The following POMT1 variants were observed in gnomAD, a reference collection of about 807,000 sequenced individuals.
POMT1 encodes the protein protein O-mannosyltransferase 1, also known as protein O-mannosyl-transferase 1.
Under a neutral mutation model 101.6 loss-of-function variants are expected in POMT1, and 85 were observed. The ratio of observed to expected loss-of-function variants is 0.84; its 90% CI spans 0.70 to 1.00. POMT1 has a LOEUF of 1.00. POMT1 is among the 50% of genes least tolerant of loss of function. The probability of loss-of-function intolerance (pLI) is 0.00; values close to 1 mark genes in which losing one functional copy is unlikely to be tolerated. For missense variants in POMT1, 857 were observed against 930.4 expected, an observed-to-expected ratio of 0.92 and a Z score of 1.03; for synonymous variants, 371 against 383.0, an observed-to-expected ratio of 0.97 and a Z score of 0.37.
At position 131,518,834 on chromosome 9, in the gene POMT1, C is replaced by T. The variant is rs749675382; in HGVS notation, c.1366-3C>T. On this transcript the variant is annotated splice_region_variant and splice_polypyrimidine_tract_variant and intron_variant, in intron 14 of 19. Coordinates refer to ENST00000402686, the MANE Select transcript of POMT1 (RefSeq NM_001077365.2). ...GCCCTTTACTCTCCTGCGGTGTCAC[C>T]AGCTGAGCGGGGCTCACCTCCCTGA... The T allele has an allele frequency of 6.2e-7, 1 of 1,613,970 alleles. No individual in the cohort carries two copies. The highest frequency in any genetic ancestry group is 8.5e-7 in the Non-Finnish European group (1 of 1,180,048).
In POMT1 at chr9:131,523,539, A is replaced by C; in HGVS notation, c.*433A>C. On this transcript the variant is annotated 3_prime_UTR_variant, in exon 20 of 20. Coordinates refer to ENST00000402686, the MANE Select transcript of POMT1 (RefSeq NM_001077365.2). ...CTGAGCAAGTCCCGGCCCTGCCCTC[A>C]GCGAGCCCGGCAGGCGTCCTGGGAC... 7.3e-6 allele frequency: 2 copies of C among 272,754 alleles called. No individual in the cohort carries two copies. The highest frequency in any genetic ancestry group is 4.0e-5 in the South Asian group (1 of 25,138). The allele number at this position is 272,754 out of a possible 1,614,324, so 16.9% of individuals were successfully genotyped here.
At chr9:131,521,304 G>A (rs780474220) in intron 17 of POMT1, 42 bp from the exon 18 acceptor site, 1 of 1,613,694 alleles carries the variant, frequency 6.2e-7, no homozygotes, top group Admixed American at 1.7e-5. Context: ...CCCTCCCTGA[G>A]CAGAGGGCAG....
chr9:131,506,472 T>C lies in POMT1; in HGVS notation c.280+19T>C. The C allele has an allele frequency of 6.2e-7, 1 of 1,601,338 alleles. No homozygotes were observed. The highest frequency in any genetic ancestry group is 8.6e-7 in the Non-Finnish European group (1 of 1,168,398). On this transcript the variant is annotated intron_variant, in intron 4 of 19. Transcript: ENST00000402686. Reference sequence around the variant, plus strand: ...GGAGCAGGTAAAAGATAATTTTCATTTCCCTTTTAATGTGCGCAGGTTAGA... The same window carrying C: ...GGAGCAGGTAAAAGATAATTTTCATCTCCCTTTTAATGTGCGCAGGTTAGA...
intron 11 of POMT1, among the ~76,000 whole-genome samples, chr9:131,512,354 C>A (rs540539003): frequency 3.2e-4 from 49 of 152,310 alleles, no homozygotes; most frequent in Non-Finnish European, 6.3e-4. Context: ...TGAGAAGTTT[C>A]CAGGCGAGCC....
chr9:131,521,255 T>C (rs888931540), intron 17 of POMT1, 91 bp from the exon 18 acceptor site: 2 of 1,567,996 alleles, frequency 1.3e-6, no homozygotes, highest in Non-Finnish European at 1.8e-6. Flanking sequence ...GCTAAAGTAG[T>C]GCGTGCATCT....
chr9:131,523,070 G>C lies in POMT1; in HGVS notation c.2142G>C (p.Trp714Cys). The stretch of plus-strand genomic sequence containing the variant: ...CACATGAACTCAAGGCCCTTCGCTG[G>C]AAAGACAGCTGGGACATCTTGATCC... Reference protein sequence around the residue: ...LSPHELKALRWKDSWDILIRK... With the variant: ...LSPHELKALRCKDSWDILIRK... Residue 714 changes from tryptophan (W) to cysteine (C), a missense_variant, in exon 20 of 20, where the codon TGG becomes TGC. Physicochemically the swap from Trp to Cys is radical, Grantham distance 215. Coordinates refer to ENST00000402686, the MANE Select transcript of POMT1 (RefSeq NM_001077365.2). The C allele has an allele frequency of 6.2e-7, 1 of 1,611,614 alleles. No individual in the cohort carries two copies. Among genetic ancestry groups the C allele is most frequent in the South Asian group, 1.1e-5 (1 of 90,890 alleles).
intron 13 of POMT1, chr9:131,516,564 T>C (rs1356029227): frequency 6.5e-6 from 1 of 153,320 alleles, no homozygotes; most frequent in Admixed American, 6.5e-5. Context: ...GATGTAAAGT[T>C]ACATAAGTTT....
At chr9:131,516,327 G>A (rs530431346) in intron 13 of POMT1, among the ~76,000 whole-genome samples, 18 of 142,942 alleles carry the variant, frequency 1.3e-4, no homozygotes, top group Admixed American at 4.2e-4. Context: ...TTCCTCACAC[G>A]GAACACCTCC....
Position 131,520,139 on chromosome 9 carries a change from G to A in POMT1, c.1644G>A (p.Leu548=), listed in dbSNP as rs2131881178. ...AACACAAGTACAGCTCCAGCCCACT[G>A]GAGTGGGTCACCCTGGACACCAATA... is the stretch of plus-strand genomic sequence containing the variant. ...DSEHKYSSSP[L]EWVTLDTNIA... is the part of the protein sequence containing the mutation. The change falls in exon 17 of 20, where the codon CTG becomes CTA. Residue 548 remains leucine (L), a synonymous_variant. Transcript: ENST00000402686. 5.0e-6 allele frequency: 8 copies of A among 1,613,882 alleles called. No individual in the cohort carries two copies. Among genetic ancestry groups the A allele is most frequent in the African/African-American group, 2.7e-5 (2 of 75,060 alleles).
chr9:131,510,223 C>T (rs769534894), intron 8 of POMT1, 37 bp from the exon 9 acceptor site: 28 of 1,613,924 alleles, frequency 1.7e-5, no homozygotes, highest in East Asian at 4.5e-5. Flanking sequence ...CGCTTTTCCA[C>T]GCAGTGGAAC....
intron 12 of POMT1, 116 bp downstream of exon 12, chr9:131,513,447 C>A: frequency 1.1e-6 from 1 of 941,186 alleles, no homozygotes; most frequent in Non-Finnish European, 1.7e-6. Flanking sequence ...CCATCATCTG[C>A]ATGTGTAGCA....
rs119462985 is a variant in POMT1 at position 131,518,945 on chromosome 9, C to T, written c.1474C>T (p.Arg492Ter). 5 of 1,613,416 alleles carry T rather than the reference C, an allele frequency of 3.1e-6. No individual in the cohort carries two copies. The highest frequency in any genetic ancestry group is 2.2e-5 in the East Asian group (1 of 44,896). Reference sequence around the variant, plus strand: ...CACGGTGTGGAACGTGGAGGAGCACCGATACGGCGCGAGTGAGTCCGCGGC... The same window carrying T: ...CACGGTGTGGAACGTGGAGGAGCACTGATACGGCGCGAGTGAGTCCGCGGC... ...GSTVWNVEEH[R>*]YGASQEQRER... Residue 492 changes from arginine to a stop codon, truncating the protein, a stop_gained, in exon 15 of 20, where the codon CGA becomes TGA. Transcript: ENST00000402686. LOFTEE classifies it high-confidence loss of function.
intron 6 of POMT1, 25 bp downstream of exon 6, chr9:131,509,047 A>G (rs762122566): frequency 8.6e-6 from 13 of 1,508,312 alleles, no homozygotes; most frequent in Non-Finnish European, 1.2e-5. Context: ...GTGTCTTCCT[A>G]GTTAACGAGA....
At position 131,523,313 on chromosome 9, in the gene POMT1, T is replaced by TAA. The variant is rs1950329721; in HGVS notation, c.*209_*210dup. The TAA allele has an allele frequency of 3.1e-6, 2 of 635,990 alleles. No individual in the cohort carries two copies. The highest frequency in any genetic ancestry group is 5.1e-5 in the Admixed American group (2 of 39,398). 39.4% of individuals were successfully genotyped at this position (635,990 alleles called of 1,614,324 possible). On this transcript the variant is annotated 3_prime_UTR_variant, in exon 20 of 20. Coordinates refer to ENST00000402686, the MANE Select transcript of POMT1 (RefSeq NM_001077365.2). ...TGCAAAGTTAATTTTTTCTCGACAA[T>TAA]AAAGATATTCCGTGTCTTTACCCCT...
chr9:131,518,006 C>CTT (rs1213293360), intron 13 of POMT1, among the ~76,000 whole-genome samples: 1 of 152,228 alleles, frequency 6.6e-6, no homozygotes, highest in Non-Finnish European at 1.5e-5. Context: ...TGTTAGTTGT[C>CTT]TTTTTTATTA....
chr9:131,513,095 G>T, intron 11 of POMT1, 144 bp from the exon 12 acceptor site: 1 of 708,850 alleles, frequency 1.4e-6, no homozygotes, highest in Non-Finnish European at 2.5e-6. Flanking sequence ...CTGTGCTTTG[G>T]TTTCCTGTGT....
chr9:131,510,812 A>T (rs1946960986), intron 9 of POMT1: 1 of 341,926 alleles, frequency 2.9e-6, no homozygotes, highest in Non-Finnish European at 5.7e-6. Context: ...GGCAGCTGGG[A>T]GCATTTTAAA....
chr9:131,510,553 T>TG (rs993300659), intron 9 of POMT1, 138 bp downstream of exon 9: 80 of 1,185,180 alleles, frequency 6.8e-5, no homozygotes, highest in Middle Eastern at 2.7e-4. Flanking sequence ...CTTTTTTTGG[T>TG]GGGGGGGATG....
intron 13 of POMT1, 154 bp from the exon 14 acceptor site, chr9:131,518,291 G>A (rs767597197): frequency 1.5e-5 from 12 of 795,836 alleles, no homozygotes; most frequent in East Asian, 2.5e-5. Flanking sequence ...TGGGAAGGAA[G>A]GCCAGTACCA....
Sources: gnomAD v4.1 joint callset for allele counts (sites outside exome capture counted in the v4.1 genomes callset) on GRCh38, gnomAD v4.1.1 for gene constraint, MANE v1.5 for transcripts, NCBI Gene and HGNC (gene_info 2026-07-23, HGNC 2026-07-21) for gene names.